Variants in INF2 observed in about 807,000 individuals in gnomAD.
The protein encoded by INF2 is inverted formin-2.
In INF2, 43 loss-of-function variants were observed where a neutral mutation model predicts 123.5. That is an observed-to-expected ratio of 0.35 (90% CI 0.27 to 0.45). INF2 has a LOEUF of 0.45. Among genes scored for constraint, INF2 ranks in the 20% least tolerant of loss-of-function variants. The pLI is 1.00. For missense variants in INF2, 1,453 were observed against 1,682.7 expected (o/e 0.86, Z 2.39); for synonymous variants, 851 against 745.0 (o/e 1.14, Z -2.32).
In INF2 at chr14:104,707,704, C is replaced by A; in HGVS notation, c.1437C>A (p.Pro479=). The A allele has an allele frequency of 1.6e-6, 2 of 1,221,832 alleles. No homozygotes were observed. The highest frequency in any genetic ancestry group is 2.3e-6 in the Non-Finnish European group (2 of 864,432). The allele number at this position is 1,221,832 out of a possible 1,614,324, so 75.7% of individuals were successfully genotyped here. A position where few individuals can be genotyped will look rare whatever the true frequency, so the allele number is the denominator to read the frequency against. The change falls in exon 8 of 23, where the codon CCC becomes CCA. Residue 479 remains proline (P), a synonymous_variant. Transcript: ENST00000392634. ...CCCCAGCACCTCCTCTACCACCACC[C>A]CTGCCAGGCTCCTGTGAGTTCCTGC... ...MAPPAPPLPP[P]LPGSCEFLPP...
rs560924808 is a variant in INF2, at chr14:104,720,603, C to T, written c.*1810C>T. ...AGTCTCGTGTGGATGCTGCTGTGCA[C>T]GTCTGCGTCGTCCTCGTGTGGATGC... On this transcript the variant is annotated 3_prime_UTR_variant, in exon 23 of 23. Transcript: ENST00000392634. The T allele has an allele frequency of 1.2e-4, 10 of 80,062 alleles. 1 individual carries two copies. The highest frequency in any genetic ancestry group is 6.4e-4 in the African/African-American group (9 of 14,034). The allele number at this position is 80,062 out of a possible 1,614,324, so 5.0% of individuals were successfully genotyped here. A position where few individuals can be genotyped will look rare whatever the true frequency, so the allele number is the denominator to read the frequency against.
chr14:104,714,787 A>G lies in INF2; in HGVS notation c.3625A>G (p.Arg1209Gly), dbSNP rs989477091. 11 of 1,598,852 alleles carry G rather than the reference A, an allele frequency of 6.9e-6. No homozygotes were observed. Among genetic ancestry groups the G allele is most frequent in the Non-Finnish European group, 9.4e-6 (11 of 1,174,440 alleles). Residue 1209 changes from arginine to glycine, a missense_variant, in exon 21 of 23, where the codon AGG becomes GGG. Physicochemically the swap from Arg to Gly is moderately radical, Grantham distance 125. Coordinates refer to ENST00000392634, the MANE Select transcript of INF2 (RefSeq NM_022489.4). ...TDSSGSGTLPRARGRASKGTG... is the reference protein window; with the variant it reads ...TDSSGSGTLPGARGRASKGTG... ...CTCCTCGGGGTCGGGCACACTCCCC[A>G]GGGCCCGGGGCCGGGCCTCAAAGGG...
intron 1 of INF2, among the ~76,000 whole-genome samples, chr14:104,697,397 C>T (rs1566775218): frequency 6.6e-6 from 1 of 152,228 alleles, no homozygotes; most frequent in Non-Finnish European, 1.5e-5. Flanking sequence ...TGCAGGAGCC[C>T]CCAGCTACTC....
intron 22 of INF2, among the ~76,000 whole-genome samples, chr14:104,718,002 G>A (rs1041458113): frequency 4.6e-5 from 7 of 152,218 alleles, no homozygotes; most frequent in Non-Finnish European, 1.0e-4. Context: ...ACAAGCCCCT[G>A]TTCCTAGCTC....
In INF2 at chr14:104,711,178, G is replaced by A. The variant is rs199979156; in HGVS notation, c.2410G>A (p.Val804Met). 12 of 1,558,864 alleles carry A rather than the reference G, an allele frequency of 7.7e-6. No individual in the cohort carries two copies. Among genetic ancestry groups the A allele is most frequent in the East Asian group, 7.3e-5 (3 of 41,244 alleles). Residue 804 changes from valine to methionine, a missense_variant, in exon 15 of 23, where the codon GTG (valine) becomes ATG (methionine). Around this residue, in one of 8 missense-constraint regions of INF2, gnomAD observed 31 missense variants for 86.0 expected, o/e 0.36. Transcript: ENST00000392634. ...GAACCGCGTGACGCTGCTGCACCAC[G>A]TGCTGGAGGTGGGCCGTGGTGGCGG... is the stretch of plus-strand genomic sequence containing the variant. The part of the protein sequence containing the change: ...QQNRVTLLHH[V>M]LEEAEKSHPD...
Position 104,711,813 on chromosome 14 carries a change from C to T in INF2, c.2489+114C>T, listed in dbSNP as rs146744619. ...GGGTCTCACAGCTGCAGCGCAGCCC[C>T]GGCGCCACGGAGCCCTGCCCAATAG... On this transcript the variant is annotated intron_variant, in intron 16 of 22. Transcript: ENST00000392634. 231 of 929,498 alleles carry T rather than the reference C, an allele frequency of 2.5e-4. 1 individual carries two copies. The East Asian group carries it at 4.7e-3, about 19-fold the overall frequency. The allele number at this position is 929,498 out of a possible 1,614,324, so 57.6% of individuals were successfully genotyped here.
At chr14:104,688,352 C>T (rs796629465), upstream of INF2, among the ~76,000 whole-genome samples, 12 of 152,288 alleles carry the variant, frequency 7.9e-5, no homozygotes, top group African/African-American at 2.4e-4. Context: ...TTATCCCCAC[C>T]GGAGCGGAGG....
rs776237805 is a variant in INF2 at position 104,715,415 on chromosome 14, C to G, written c.*1+75C>G. ...GTGGGGCTGGAGCTTGCTGCCCACA[C>G]CCCTCCGGGACACTAACCTGGCTTC... On this transcript the variant is annotated intron_variant, in intron 22 of 22. Transcript: ENST00000392634. 4.5e-5 allele frequency: 60 copies of G among 1,343,212 alleles called. No individual in the cohort carries two copies. In the East Asian group the frequency reaches 6.9e-4, roughly 15 times the overall value. 83.2% of individuals were successfully genotyped at this position (1,343,212 alleles called of 1,614,324 possible).
chr14:104,707,195 C>T lies in INF2; in HGVS notation c.986-58C>T, dbSNP rs1889820542. The T allele has an allele frequency of 4.5e-6, 7 of 1,547,512 alleles. No homozygotes were observed. The South Asian group carries it at 7.2e-5, about 16-fold the overall frequency. On this transcript the variant is annotated intron_variant, in intron 7 of 22. Transcript: ENST00000392634. Reference sequence around the variant, plus strand: ...GCTTTTTCCTGCCTCTTCCTCAAGCCCCCATCCCTCCCTCTCCGGCTCCCT... The same window carrying T: ...GCTTTTTCCTGCCTCTTCCTCAAGCTCCCATCCCTCCCTCTCCGGCTCCCT...
rs118061751 is a variant in INF2, at chr14:104,714,057, C to G, written c.3041-146C>G. 0.042 allele frequency: 29,204 copies of G among 700,502 alleles called. 772 individuals are homozygous for G. Among genetic ancestry groups the G allele is most frequent in the Non-Finnish European group, 0.053 (22,692 of 429,968 alleles). The allele number at this position is 700,502 out of a possible 1,614,324, so 43.4% of individuals were successfully genotyped here. On this transcript the variant is annotated intron_variant, in intron 20 of 22. Coordinates refer to ENST00000392634, the MANE Select transcript of INF2 (RefSeq NM_022489.4). ...GTAGACAGACCAAGGACGCTGAGGC[C>G]GGGTCCTGCTCTGAGACATCAGAGG...
At chr14:104,711,417 A>G (rs931440547) in intron 15 of INF2, among the ~76,000 whole-genome samples, 57 of 152,156 alleles carry the variant, frequency 3.7e-4, no homozygotes, top group Non-Finnish European at 3.1e-4. Context: ...CCTCCCCAGG[A>G]TACCTGTCCC....
upstream of INF2, among the ~76,000 whole-genome samples, chr14:104,688,709 C>T (rs1374467831): frequency 3.3e-5 from 5 of 152,214 alleles, no homozygotes; most frequent in Non-Finnish European, 7.3e-5. Flanking sequence ...CACGGGGGCT[C>T]CCCCAGGCCT....
At chr14:104,717,312 G>T (rs1055130723) in intron 22 of INF2, among the ~76,000 whole-genome samples, 2 of 135,254 alleles carry the variant, frequency 1.5e-5, no homozygotes, top group African/African-American at 6.1e-5. Flanking sequence ...CCCGGGCAGG[G>T]CGCGCTGCCG....
intron 16 of INF2, 63 bp downstream of exon 16, chr14:104,711,762 C>T (rs1890058132): frequency 1.3e-5 from 20 of 1,488,058 alleles, no homozygotes; most frequent in Non-Finnish European, 1.7e-5. Flanking sequence ...TGTCCCCAGG[C>T]AGTGAGGTGG....
intron 20 of INF2, 108 bp from the exon 21 acceptor site, chr14:104,714,095 G>A: frequency 1.0e-6 from 1 of 971,210 alleles, no homozygotes; most frequent in South Asian, 1.7e-5. Context: ...GCTTTCTGGG[G>A]AGGAGGTTTT....
intron 8 of INF2, 102 bp from the exon 9 acceptor site, chr14:104,708,334 C>A (rs1889882348): frequency 6.9e-7 from 1 of 1,447,196 alleles, no homozygotes; most frequent in South Asian, 1.3e-5. Flanking sequence ...GGGCCCCAGG[C>A]AGGACATCCT....
upstream of INF2, among the ~76,000 whole-genome samples, chr14:104,688,075 G>A (rs1888722714): frequency 6.6e-6 from 1 of 152,272 alleles, no homozygotes; most frequent in Non-Finnish European, 1.5e-5. Flanking sequence ...GCTCTGGAAG[G>A]GGCCCTGGAG....
Position 104,709,157 on chromosome 14 carries a change from T to G in INF2, c.1950-124T>G. ...CGTGGGCAACAACTCGACTGTTCTG[T>G]GTCCCCCCTGCCCTGGCCACCCCAT... is the stretch of plus-strand genomic sequence containing the variant. On this transcript the variant is annotated intron_variant, in intron 10 of 22. Coordinates refer to ENST00000392634, the MANE Select transcript of INF2 (RefSeq NM_022489.4). 2.8e-6 allele frequency: 2 copies of G among 715,194 alleles called. 1 individual carries two copies. The highest frequency in any genetic ancestry group is 3.2e-5 in the South Asian group (2 of 61,970). 44.3% of individuals were successfully genotyped at this position (715,194 alleles called of 1,614,324 possible).
At chr14:104,696,050 G>A (rs886105151) in intron 1 of INF2, among the ~76,000 whole-genome samples, 6 of 152,138 alleles carry the variant, frequency 3.9e-5, no homozygotes, top group African/African-American at 1.4e-4. Flanking sequence ...AGGTGTCCCG[G>A]TGGTATCGCA....
Sources: gnomAD v4.1 joint callset for allele counts (sites outside exome capture counted in the v4.1 genomes callset) on GRCh38, gnomAD v4.1.1 for gene constraint, gnomAD v4.1.1 regional missense constraint, MANE v1.5 for transcripts, NCBI Gene and HGNC (gene_info 2026-07-23, HGNC 2026-07-21) for gene names.